Variants in TBL1XR1 observed in about 807,000 individuals in gnomAD.
TBL1XR1 encodes the protein TBL1X/Y related 1.
A neutral mutation model predicts 66.9 loss-of-function variants in TBL1XR1; 5 were observed. That is an observed-to-expected ratio of 0.07 (90% CI 0.04 to 0.16). TBL1XR1 has a LOEUF of 0.16. TBL1XR1 is among the 10% of genes least tolerant of loss of function. The pLI, the probability that TBL1XR1 is intolerant of heterozygous loss-of-function variation, is 1.00. For missense variants in TBL1XR1, 238 were observed against 623.2 expected, an observed-to-expected ratio of 0.38 and a Z score of 6.58; for synonymous variants, 210 against 206.0, an observed-to-expected ratio of 1.02 and a Z score of -0.17.
At position 177,025,541 on chromosome 3, in the gene TBL1XR1, T is replaced by C. The variant is rs776782371; in HGVS notation, c.1519-17A>G. 1 of 1,611,344 alleles carries C rather than the reference T, an allele frequency of 6.2e-7. No individual in the cohort carries two copies. The highest frequency in any genetic ancestry group is 1.7e-5 in the Admixed American group (1 of 59,816). ...TACACAAACCTGTAAGAAATTAAAA[T>C]AATCAACCAGTGTATTCAGAATTTT... On this transcript the variant is annotated splice_polypyrimidine_tract_variant and intron_variant, in intron 15 of 15. Transcript: ENST00000457928.
chr3:177,178,145 G>C (rs538660874), intron 1 of TBL1XR1, among the ~76,000 whole-genome samples: 36 of 152,298 alleles, frequency 2.4e-4, no homozygotes, highest in African/African-American at 8.4e-4. Context: ...GGCTGGGCAC[G>C]GTGAACAAGG....
intron 2 of TBL1XR1, among the ~76,000 whole-genome samples, chr3:177,069,808 GGAA>G (rs1560139076): frequency 4.1e-5 from 5 of 123,060 alleles, no homozygotes; most frequent in Non-Finnish European, 8.8e-5. Flanking sequence ...AAGGAAGGAA[GGAA>G]GGAAGGAAGG....
chr3:177,060,751 T>C lies in TBL1XR1; in HGVS notation c.58+4169A>G, dbSNP rs552142249. Among the ~76,000 whole-genome samples, 8 of 152,362 alleles carry C rather than the reference T, an allele frequency of 5.3e-5. No individual in the cohort carries two copies. The East Asian group carries it at 1.5e-3, about 29-fold the overall frequency. On this transcript the variant is annotated intron_variant, in intron 3 of 15. Coordinates refer to ENST00000457928, the MANE Select transcript of TBL1XR1 (RefSeq NM_024665.7). Reference sequence around the variant, plus strand: ...AGCTTAGTGCCTCTAAAATTAACACTGTATCAGGTTCTACTATATGCAACT... The same window carrying C: ...AGCTTAGTGCCTCTAAAATTAACACCGTATCAGGTTCTACTATATGCAACT...
At chr3:177,189,179 G>A (rs944117207) in intron 1 of TBL1XR1, among the ~76,000 whole-genome samples, 2 of 151,570 alleles carry the variant, frequency 1.3e-5, no homozygotes, top group Non-Finnish European at 2.9e-5. Flanking sequence ...CTGCACTCCA[G>A]CTTAGGCAAC....
intron 1 of TBL1XR1, among the ~76,000 whole-genome samples, chr3:177,144,266 CAT>C (rs1729978246): frequency 6.6e-6 from 1 of 151,612 alleles, no homozygotes; most frequent in Admixed American, 6.6e-5. Context: ...CACAAAGTGA[CAT>C]ATTCACAGCA....
chr3:177,108,180 T>C (rs80064869), intron 1 of TBL1XR1, among the ~76,000 whole-genome samples: 152 of 152,212 alleles, frequency 1.0e-3, no homozygotes, highest in African/African-American at 3.6e-3. Flanking sequence ...TCAAATAAAT[T>C]AACAGACCAA....
intron 1 of TBL1XR1, among the ~76,000 whole-genome samples, chr3:177,122,600 G>A (rs1408942160): frequency 6.6e-6 from 1 of 152,066 alleles, no homozygotes; most frequent in Non-Finnish European, 1.5e-5. Flanking sequence ...AGTTTTACTG[G>A]GCTAGCTTTC....
chr3:177,067,733 G>C (rs1719356395), intron 2 of TBL1XR1, among the ~76,000 whole-genome samples: 1 of 151,984 alleles, frequency 6.6e-6, no homozygotes, highest in African/African-American at 2.4e-5. Context: ...ACCTTGAAAG[G>C]CTTACTTCTA....
chr3:177,142,884 G>A (rs1414638229), intron 1 of TBL1XR1, among the ~76,000 whole-genome samples: 1 of 151,848 alleles, frequency 6.6e-6, no homozygotes, highest in Non-Finnish European at 1.5e-5. Flanking sequence ...AAAATTTGAG[G>A]TGCCCATTGT....
chr3:177,116,845 G>A (rs1476532708), intron 1 of TBL1XR1, among the ~76,000 whole-genome samples: 1 of 152,158 alleles, frequency 6.6e-6, no homozygotes, highest in Non-Finnish European at 1.5e-5. Context: ...AATGGTAGCT[G>A]TTGCTATTTT....
chr3:177,051,258 A>G (rs921203879), intron 5 of TBL1XR1, among the ~76,000 whole-genome samples: 1 of 151,922 alleles, frequency 6.6e-6, no homozygotes, highest in African/African-American at 2.4e-5. Flanking sequence ...TCTGAGAAAA[A>G]ATTTTTAAAA....
intron 7 of TBL1XR1, 30 bp downstream of exon 7, chr3:177,049,967 T>C: frequency 6.2e-7 from 1 of 1,609,658 alleles, no homozygotes; most frequent in South Asian, 1.1e-5. Context: ...TACTAGTAAT[T>C]ATATCCATCA....
At chr3:177,122,781 A>G (rs990021349) in intron 1 of TBL1XR1, among the ~76,000 whole-genome samples, 3 of 152,182 alleles carry the variant, frequency 2.0e-5, no homozygotes, top group Non-Finnish European at 4.4e-5. Context: ...ACTCATGATT[A>G]AATATTAGTC....
intron 1 of TBL1XR1, among the ~76,000 whole-genome samples, chr3:177,111,579 C>A (rs1047499037): frequency 2.6e-5 from 4 of 151,980 alleles, no homozygotes; most frequent in African/African-American, 9.7e-5. Flanking sequence ...AGATTACAGG[C>A]TTCAGCCACT....
chr3:177,086,770 C>T (rs943249581), intron 2 of TBL1XR1, among the ~76,000 whole-genome samples: 2 of 151,326 alleles, frequency 1.3e-5, no homozygotes, highest in African/African-American at 2.4e-5. Context: ...TTTATCAACC[C>T]ACCCAATCAA....
intron 2 of TBL1XR1, among the ~76,000 whole-genome samples, chr3:177,069,798 AAGGAAGGAAGG>A (rs1371244565): frequency 1.5e-3 from 95 of 65,084 alleles, no homozygotes; most frequent in Non-Finnish European, 1.2e-3. Flanking sequence ...GAAGGAAAGG[AAGGAAGGAAGG>A]AAGGAAGGAA....
At chr3:177,032,521 C>T (rs9290609) in intron 14 of TBL1XR1, 53,957 of 152,176 alleles carry the variant, frequency 0.35, 9,857 homozygotes, top group East Asian at 0.5. Context: ...TTCTCCACTT[C>T]TAAGAATCTC....
chr3:177,098,475 T>C lies in TBL1XR1; in HGVS notation c.-55A>G. Reference sequence around the variant, plus strand: ...AGTTGGAGAGTCTTACCATTGGCAGTGCATTGATGTGGGGATGTGCAACTG... The same window carrying C: ...AGTTGGAGAGTCTTACCATTGGCAGCGCATTGATGTGGGGATGTGCAACTG... On this transcript the variant is annotated 5_prime_UTR_variant, in exon 2 of 16. Coordinates refer to ENST00000457928, the MANE Select transcript of TBL1XR1 (RefSeq NM_024665.7). The C allele has an allele frequency of 4.1e-6, 4 of 985,750 alleles. No individual in the cohort carries two copies. The highest frequency in any genetic ancestry group is 4.8e-6 in the Non-Finnish European group (4 of 829,852). The allele number at this position is 985,750 out of a possible 1,614,324, so 61.1% of individuals were successfully genotyped here.
chr3:177,026,239 T>A, intron 15 of TBL1XR1, 134 bp downstream of exon 15: 1 of 699,530 alleles, frequency 1.4e-6, no homozygotes, highest in Non-Finnish European at 2.3e-6. Flanking sequence ...GTTTACAGCC[T>A]CAGGAAAAAA....
Sources: gnomAD v4.1 joint callset for allele counts (sites outside exome capture counted in the v4.1 genomes callset) on GRCh38, gnomAD v4.1.1 for gene constraint, MANE v1.5 for transcripts, NCBI Gene and HGNC (gene_info 2026-07-23, HGNC 2026-07-21) for gene names.